Variants in KIAA1217 observed in about 807,000 individuals in gnomAD.
The protein encoded by KIAA1217 is KIAA1217, also known as sickle tail protein homolog.
In KIAA1217, 88 loss-of-function variants were observed where a neutral mutation model predicts 163.9. The observed-to-expected ratio is 0.54, with a 90% CI of 0.45 to 0.64. The LOEUF is 0.64. Ranked by LOEUF, KIAA1217 falls within the 30% of genes least tolerant of loss-of-function variation. The probability of loss-of-function intolerance (pLI) is 0.00; values close to 1 mark genes in which losing one functional copy is unlikely to be tolerated. For missense variants in KIAA1217, 2,372 were observed against 2,475.0 expected, an observed-to-expected ratio of 0.96 and a Z score of 0.88; for synonymous variants, 903 against 923.1, an observed-to-expected ratio of 0.98 and a Z score of 0.39.
chr10:24,096,149 C>A (rs2062152469), intron 2 of KIAA1217, among the ~76,000 whole-genome samples: 1 of 152,182 alleles, frequency 6.6e-6, no homozygotes. Context: ...TCAGCATCAA[C>A]CTCCACACCC....
chr10:23,914,089 T>G (rs1263209128), intron 1 of KIAA1217, among the ~76,000 whole-genome samples: 1 of 152,004 alleles, frequency 6.6e-6, no homozygotes, highest in African/African-American at 2.4e-5. Flanking sequence ...CTCAACCTAG[T>G]CTGGAGGCCA....
intron 1 of KIAA1217, among the ~76,000 whole-genome samples, chr10:23,790,582 T>TATGTACATATAC: frequency 8.0e-6 from 1 of 124,852 alleles, no homozygotes; most frequent in African/African-American, 3.4e-5. Flanking sequence ...TACATATGTA[T>TATGTACATATAC]ATGTACATAT....
chr10:24,319,682 G>A (rs2043886920), intron 2 of KIAA1217, among the ~76,000 whole-genome samples: 1 of 152,202 alleles, frequency 6.6e-6, no homozygotes, highest in Non-Finnish European at 1.5e-5. Flanking sequence ...CTCAAGCCTT[G>A]AAGACCACCC....
chr10:23,899,170 G>A (rs528084602), intron 1 of KIAA1217, among the ~76,000 whole-genome samples: 1 of 152,212 alleles, frequency 6.6e-6, no homozygotes, highest in Non-Finnish European at 1.5e-5. Flanking sequence ...GTGTGCACCT[G>A]TGCAAGAGTT....
intron 2 of KIAA1217, among the ~76,000 whole-genome samples, chr10:24,336,079 A>C (rs2046322642): frequency 6.6e-6 from 1 of 152,152 alleles, no homozygotes; most frequent in South Asian, 2.1e-4. Flanking sequence ...TGTCTCTACT[A>C]AAAATACAAA....
At chr10:24,488,563 T>C (rs1438857185) in intron 6 of KIAA1217, among the ~76,000 whole-genome samples, 1 of 151,870 alleles carries the variant, frequency 6.6e-6, no homozygotes, top group Non-Finnish European at 1.5e-5. Flanking sequence ...GTATTGGGAG[T>C]TTGGGGAACA....
rs75568985 is a variant in KIAA1217, at chr10:23,714,572, G to A, written c.-321+19338G>A. Among the ~76,000 whole-genome samples, 180 of 152,158 alleles carry A rather than the reference G, an allele frequency of 1.2e-3. 13 individuals are homozygous for A. The East Asian group carries it at 0.028, about 24-fold the overall frequency. On this transcript the variant is annotated intron_variant, in intron 1 of 18. Transcript: ENST00000376462. The stretch of plus-strand genomic sequence containing the variant: ...TGCCTTTTCACCTGCTGGTCCACTG[G>A]CCTGAAATATTCTTCTTCTTTGGTT...
chr10:24,420,638 C>G (rs528689969), intron 3 of KIAA1217, among the ~76,000 whole-genome samples: 3 of 152,090 alleles, frequency 2.0e-5, no homozygotes, highest in Non-Finnish European at 4.4e-5. Context: ...TTTGTTTATG[C>G]GAAGTTTTAG....
chr10:24,337,630 CTTTTCTTTTCTTTTCTTTTCTTTT>C (rs2046537625), intron 2 of KIAA1217, among the ~76,000 whole-genome samples: 1 of 57,412 alleles, frequency 1.7e-5, no homozygotes, highest in Admixed American at 1.5e-4. Flanking sequence ...CTTTTCTTTT[CTTTTCTTTTCTTTTCTTTTCTTTT>C]TTTTTTTTGA....
intron 2 of KIAA1217, among the ~76,000 whole-genome samples, chr10:24,367,603 C>G (rs536937306): frequency 1.3e-5 from 2 of 152,316 alleles, no homozygotes; most frequent in South Asian, 4.1e-4. Flanking sequence ...AAACAGAAGC[C>G]TGAATCATTC....
chr10:24,229,910 A>C (rs1053901122), intron 2 of KIAA1217, among the ~76,000 whole-genome samples: 1 of 152,158 alleles, frequency 6.6e-6, no homozygotes, highest in African/African-American at 2.4e-5. Context: ...TAATAATAGC[A>C]CCAAAATCTC....
intron 1 of KIAA1217, among the ~76,000 whole-genome samples, chr10:23,867,609 G>C (rs1209971936): frequency 6.6e-6 from 1 of 152,190 alleles, no homozygotes; most frequent in Non-Finnish European, 1.5e-5. Context: ...CAGTGATGAT[G>C]AGCATTTTTT....
chr10:24,291,264 C>T (rs1375796351), intron 2 of KIAA1217, among the ~76,000 whole-genome samples: 1 of 152,152 alleles, frequency 6.6e-6, no homozygotes, highest in Non-Finnish European at 1.5e-5. Flanking sequence ...CATGGTGGCT[C>T]ACGCCTGTAG....
chr10:23,786,695 T>C (rs1047231752), intron 1 of KIAA1217, among the ~76,000 whole-genome samples: 2 of 152,076 alleles, frequency 1.3e-5, no homozygotes, highest in African/African-American at 4.8e-5. Flanking sequence ...TAATGAAGGA[T>C]TGAAAATTAT....
chr10:24,040,368 T>C (rs957126253), intron 2 of KIAA1217, among the ~76,000 whole-genome samples: 1 of 152,206 alleles, frequency 6.6e-6, no homozygotes. Context: ...CCAAGGTTAG[T>C]TTCTTTGTGA....
At chr10:24,324,406 A>G (rs2044591813) in intron 2 of KIAA1217, among the ~76,000 whole-genome samples, 1 of 152,138 alleles carries the variant, frequency 6.6e-6, no homozygotes, top group Non-Finnish European at 1.5e-5. Context: ...GACTCCACTA[A>G]AAATACAAAA....
At chr10:24,492,400 G>A (rs1464884957) in intron 6 of KIAA1217, among the ~76,000 whole-genome samples, 1 of 152,164 alleles carries the variant, frequency 6.6e-6, no homozygotes, top group East Asian at 1.9e-4. Context: ...GCATCGGCTG[G>A]TGTACCTGGA....
chr10:23,837,205 G>T (rs1034248096), intron 1 of KIAA1217, among the ~76,000 whole-genome samples: 4 of 151,968 alleles, frequency 2.6e-5, no homozygotes, highest in African/African-American at 9.7e-5. Flanking sequence ...ACTTTTTTAT[G>T]GCAGCCTCTA....
At chr10:24,417,217 C>A (rs938366434) in intron 3 of KIAA1217, among the ~76,000 whole-genome samples, 1 of 152,264 alleles carries the variant, frequency 6.6e-6, no homozygotes. Flanking sequence ...GAGCCTCCCC[C>A]TCAGATACCT....
Sources: allele counts gnomAD v4.1 joint callset (sites outside exome capture counted in the v4.1 genomes callset), GRCh38; gene constraint gnomAD v4.1.1; transcripts MANE v1.5; gene names NCBI Gene and HGNC (gene_info 2026-07-23, HGNC 2026-07-21).